The following CLDN14 variants were observed in gnomAD, a reference collection of about 807,000 sequenced individuals.
The protein encoded by CLDN14 is claudin 14.
CLDN14 carries 2 observed loss-of-function variants against 2.1 expected under a neutral mutation model. The observed-to-expected ratio is 0.96, with a 90% CI of 0.39 to 3.01. CLDN14 has a LOEUF of 3.01. Ranked by LOEUF, CLDN14 falls within the 30% of genes most tolerant of loss-of-function variation. CLDN14 has a pLI of 0.09. For missense variants in CLDN14, 298 were observed against 328.0 expected (o/e 0.91, Z 0.71); for synonymous variants, 136 against 154.4 (o/e 0.88, Z 0.88).
At chr21:36,534,534 C>T (rs1431130222) in intron 1 of CLDN14, among the ~76,000 whole-genome samples, 1 of 152,196 alleles carries the variant, frequency 6.6e-6, no homozygotes, top group East Asian at 1.9e-4. Flanking sequence ...GTCTCTCTTC[C>T]ATATCAACAT....
At chr21:36,517,867 G>A (rs566365161) in intron 1 of CLDN14, among the ~76,000 whole-genome samples, 25 of 152,080 alleles carry the variant, frequency 1.6e-4, no homozygotes, top group Non-Finnish European at 3.1e-4. Context: ...TGTGGGTGGG[G>A]CTCACCCAAT....
chr21:36,525,078 G>C (rs535946110), intron 1 of CLDN14, among the ~76,000 whole-genome samples: 5 of 152,160 alleles, frequency 3.3e-5, no homozygotes, highest in African/African-American at 1.2e-4. Context: ...GCTCCCTCAC[G>C]GAGGGTGAAC....
intron 1 of CLDN14, among the ~76,000 whole-genome samples, chr21:36,513,806 G>A (rs543710550): frequency 9.9e-5 from 15 of 152,244 alleles, no homozygotes; most frequent in African/African-American, 3.6e-4. Flanking sequence ...TCTGGCCCCT[G>A]GGATAATTGA....
intron 2 of CLDN14, among the ~76,000 whole-genome samples, chr21:36,496,083 A>G (rs1319093383): frequency 6.6e-6 from 1 of 152,108 alleles, no homozygotes; most frequent in Admixed American, 6.5e-5. Flanking sequence ...AAGCCATCGA[A>G]TTTGAAGTAC....
At chr21:36,532,919 C>T (rs73374419) in intron 1 of CLDN14, among the ~76,000 whole-genome samples, 1,734 of 152,238 alleles carry the variant, frequency 0.011, 34 homozygotes, top group African/African-American at 0.039. Context: ...ACAACATCTG[C>T]ATTGGTGACC....
At position 36,498,808 on chromosome 21, in the gene CLDN14, A is replaced by G. The variant is rs1027035407; in HGVS notation, c.-82+11555T>C. On this transcript the variant is annotated intron_variant, in intron 2 of 2. Transcript: ENST00000342108. This position sits in a 1 kb window ranked among gnomAD's most constrained non-coding sequence, Gnocchi z 4.9. ...CACTGGCTGCGTCTGCCTGGACACC[A>G]TCAGCCCTGCACGAAGGTGGCCGCT... 5.9e-5 allele frequency among the ~76,000 whole-genome samples: 9 copies of G among 152,170 alleles called. No homozygotes were observed. Among genetic ancestry groups the G allele is most frequent in the African/African-American group, 2.2e-4 (9 of 41,438 alleles).
intron 1 of CLDN14, among the ~76,000 whole-genome samples, chr21:36,573,162 G>A (rs1434100005): frequency 7.2e-5 from 11 of 152,084 alleles, no homozygotes; most frequent in Non-Finnish European, 1.5e-4. Context: ...TTAGCCAGGC[G>A]TGGTGGTGGG....
At chr21:36,574,387 A>G (rs1194129334) in intron 1 of CLDN14, among the ~76,000 whole-genome samples, 1 of 152,214 alleles carries the variant, frequency 6.6e-6, no homozygotes, top group African/African-American at 2.4e-5. Flanking sequence ...AAAAACTATA[A>G]ACTGCAGATA....
chr21:36,460,916 T>G lies in CLDN14; in HGVS notation c.*60A>C, dbSNP rs898181646. ...TTTGTGCTGGAACCCCTGCCTCCAT[T>G]GACAGTCCCGCCGGGGACCCAGCCC... On this transcript the variant is annotated 3_prime_UTR_variant, in exon 2 of 2. Coordinates refer to ENST00000399135, the MANE Select transcript of CLDN14 (RefSeq NM_001146079.2). This position sits in a 1 kb window ranked among gnomAD's most constrained non-coding sequence, Gnocchi z 4.0. The G allele has an allele frequency of 5.1e-6, 8 of 1,579,018 alleles. No individual in the cohort carries two copies. The highest frequency in any genetic ancestry group is 1.3e-5 in the African/African-American group (1 of 74,184).
intron 1 of CLDN14, among the ~76,000 whole-genome samples, chr21:36,550,301 T>C (rs97959): frequency 0.74 from 112,135 of 152,040 alleles, 42,755 homozygotes; most frequent in Non-Finnish European, 0.85. Flanking sequence ...AGCCCAGACA[T>C]GCAGCGGGTC....
At chr21:36,475,633 C>T (rs1213785680) in intron 1 of CLDN14, among the ~76,000 whole-genome samples, 1 of 152,216 alleles carries the variant, frequency 6.6e-6, no homozygotes, top group Non-Finnish European at 1.5e-5. Context: ...TCCCTGCGGC[C>T]TTGACCTCCT....
intron 1 of CLDN14, among the ~76,000 whole-genome samples, chr21:36,512,416 G>T (rs1344258897): frequency 6.6e-6 from 1 of 152,216 alleles, no homozygotes; most frequent in Non-Finnish European, 1.5e-5. Context: ...TTTTGTAGAA[G>T]AATATTGTAT....
At chr21:36,510,273 C>T (rs1292418391) in intron 2 of CLDN14, 1 of 152,230 alleles carries the variant, frequency 6.6e-6, no homozygotes, top group Non-Finnish European at 1.5e-5. Context: ...TGACTAGAAA[C>T]TGGAATCATA....
At chr21:36,539,944 GTGTA>G (rs1247333433) in intron 1 of CLDN14, among the ~76,000 whole-genome samples, 2 of 151,750 alleles carry the variant, frequency 1.3e-5, no homozygotes, top group African/African-American at 2.4e-5. Context: ...TGTGGAGTGA[GTGTA>G]TGTGTAGCAT....
intron 1 of CLDN14, among the ~76,000 whole-genome samples, chr21:36,570,952 C>G (rs2087705623): frequency 1.3e-5 from 2 of 152,198 alleles, no homozygotes; most frequent in Non-Finnish European, 2.9e-5. Context: ...AGCAATTCTC[C>G]TGCCTCAGCC....
intron 2 of CLDN14, among the ~76,000 whole-genome samples, chr21:36,503,914 A>G (rs1011983589): frequency 1.3e-5 from 2 of 151,698 alleles, no homozygotes; most frequent in Non-Finnish European, 2.9e-5. Context: ...GCATCCTACA[A>G]AGTTTTATAT....
chr21:36,497,778 C>T (rs2146472739), intron 2 of CLDN14, among the ~76,000 whole-genome samples: 1 of 152,250 alleles, frequency 6.6e-6, no homozygotes, highest in East Asian at 1.9e-4. Flanking sequence ...GTGATCCATC[C>T]TCAAAGCAAT....
intron 1 of CLDN14, among the ~76,000 whole-genome samples, chr21:36,533,135 C>T (rs2087394025): frequency 6.6e-6 from 1 of 152,262 alleles, no homozygotes; most frequent in East Asian, 1.9e-4. Flanking sequence ...TTCGGTGGGG[C>T]CGGTCGGTAA....
chr21:36,469,933 T>C (rs1366681110), intron 1 of CLDN14, among the ~76,000 whole-genome samples: 1 of 152,194 alleles, frequency 6.6e-6, no homozygotes, highest in African/African-American at 2.4e-5. Flanking sequence ...AGGTTTGCTA[T>C]GTTGCTGTTT....
Sources: allele counts gnomAD v4.1 joint callset (sites outside exome capture counted in the v4.1 genomes callset), GRCh38; gene constraint gnomAD v4.1.1; non-coding constraint Gnocchi (gnomAD v3.1); transcripts MANE v1.5; gene names NCBI Gene and HGNC (gene_info 2026-07-23, HGNC 2026-07-21).